The following DOCK9 variants were observed in gnomAD, a reference collection of about 807,000 sequenced individuals.
DOCK9 encodes the protein dedicator of cytokinesis 9, also known as dedicator of cytokinesis protein 9.
DOCK9 carries 89 observed loss-of-function variants against 263.3 expected under a neutral mutation model. The ratio of observed to expected loss-of-function variants is 0.34; its 90% confidence interval spans 0.28 to 0.40. The LOEUF is 0.40. Among genes scored for constraint, DOCK9 ranks in the 10% least tolerant of loss-of-function variants. The pLI is 1.00. For synonymous variants in DOCK9, 976 were observed against 973.1 expected (o/e 1.00, Z -0.06); for missense variants, 2,140 against 2,603.4 (o/e 0.82, Z 3.87).
chr13:98,996,988 A>C (rs1484872976), intron 1 of DOCK9, among the ~76,000 whole-genome samples: 1 of 152,246 alleles, frequency 6.6e-6, no homozygotes, highest in East Asian at 1.9e-4. Flanking sequence ...TAACAGAAAG[A>C]AGACAAGAAA....
chr13:98,952,209 T>TA (rs1022299611), intron 2 of DOCK9, among the ~76,000 whole-genome samples: 1 of 151,678 alleles, frequency 6.6e-6, no homozygotes, highest in Non-Finnish European at 1.5e-5. Context: ...ACTTCATCAA[T>TA]AACCTGATGG....
At chr13:98,931,527 T>C (rs2053933090) in intron 2 of DOCK9, among the ~76,000 whole-genome samples, 2 of 152,052 alleles carry the variant, frequency 1.3e-5, no homozygotes, top group Admixed American at 1.3e-4. Context: ...CTCAATCTCC[T>C]GACCTCGTGA....
chr13:98,846,913 C>A (rs562469361), intron 37 of DOCK9: 1 of 289,754 alleles, frequency 3.5e-6, no homozygotes, highest in African/African-American at 2.2e-5. Flanking sequence ...TTGTATAGAG[C>A]AGAGCATATC....
chr13:99,051,428 G>T (rs2040690751), intron 1 of DOCK9, among the ~76,000 whole-genome samples: 1 of 152,058 alleles, frequency 6.6e-6, no homozygotes, highest in South Asian at 2.1e-4. Context: ...GAGTCCCAAG[G>T]ACTTTTCATT....
intron 9 of DOCK9, among the ~76,000 whole-genome samples, chr13:98,908,636 T>C (rs1017200269): frequency 1.3e-5 from 2 of 152,138 alleles, no homozygotes; most frequent in Non-Finnish European, 1.5e-5. Flanking sequence ...ATAATGTATA[T>C]ATCATGAACA....
chr13:99,086,185 C>A, intron 1 of DOCK9: 1 of 1,464,670 alleles, frequency 6.8e-7, no homozygotes, highest in Non-Finnish European at 9.0e-7. Flanking sequence ...CCTGCGCCCC[C>A]GCCATCCTCC....
chr13:98,804,207 G>A (rs1222861874), intron 49 of DOCK9, among the ~76,000 whole-genome samples: 2 of 152,136 alleles, frequency 1.3e-5, no homozygotes, highest in African/African-American at 2.4e-5. Context: ...GGCACACCTG[G>A]CATTCTCAAC....
chr13:98,848,286 A>G lies in DOCK9; in HGVS notation c.4061+306T>C, dbSNP rs1262688749. On this transcript the variant is annotated intron_variant, in intron 37 of 52. Transcript: ENST00000682017. ...CATAGGAAGAAGAACTGGGGAGAAGAGGATGGGAAGGAGACAGAACAGAGA... is the reference window on the plus strand; with the variant it reads ...CATAGGAAGAAGAACTGGGGAGAAGGGGATGGGAAGGAGACAGAACAGAGA... Among the ~76,000 whole-genome samples, 6 of 152,188 alleles carry G rather than the reference A, an allele frequency of 3.9e-5. No individual in the cohort carries two copies. The South Asian group carries it at 1.2e-3, about 32-fold the overall frequency.
At chr13:99,073,360 T>TTCTCTCTCTCCCTCTCCTCTC (rs2041771199) in intron 1 of DOCK9, among the ~76,000 whole-genome samples, 1 of 141,300 alleles carries the variant, frequency 7.1e-6, no homozygotes, top group Admixed American at 7.2e-5. Context: ...TCTTCTTCTT[T>TTCTCTCTCTCCCTCTCCTCTC]TCTCTCTCTC....
intron 1 of DOCK9, among the ~76,000 whole-genome samples, chr13:99,067,830 A>G (rs796413384): frequency 7.3e-5 from 11 of 151,260 alleles, no homozygotes; most frequent in African/African-American, 2.7e-4. Flanking sequence ...AGGGTGGAGG[A>G]TATCCAAGAT....
chr13:98,963,678 G>A (rs2058904047), intron 1 of DOCK9, among the ~76,000 whole-genome samples: 1 of 152,162 alleles, frequency 6.6e-6, no homozygotes. Context: ...AAGAATTTAG[G>A]ACTTCCTTGA....
At chr13:99,032,083 A>C (rs991030297) in intron 1 of DOCK9, among the ~76,000 whole-genome samples, 9 of 152,192 alleles carry the variant, frequency 5.9e-5, no homozygotes, top group South Asian at 4.1e-4. Flanking sequence ...CAGAGTCATC[A>C]ATGTGGGTCA....
intron 1 of DOCK9, among the ~76,000 whole-genome samples, chr13:99,069,670 T>A (rs1483462126): frequency 2.0e-5 from 3 of 152,264 alleles, no homozygotes; most frequent in African/African-American, 7.2e-5. Flanking sequence ...CTGGACCAGA[T>A]GACCACCAAA....
At chr13:99,051,862 A>C (rs1473937342) in intron 1 of DOCK9, among the ~76,000 whole-genome samples, 1 of 84,084 alleles carries the variant, frequency 1.2e-5, no homozygotes, top group African/African-American at 3.9e-5. Flanking sequence ...TGGCAAAAAA[A>C]AAAAAAAAAA....
At chr13:98,963,451 G>T (rs2058875575) in intron 1 of DOCK9, among the ~76,000 whole-genome samples, 1 of 152,168 alleles carries the variant, frequency 6.6e-6, no homozygotes, top group African/African-American at 2.4e-5. Context: ...GAAAACCATG[G>T]GAAGAGCTAA....
rs1181049321 is a variant in DOCK9, at chr13:98,872,704, C to G, written c.2944-4327G>C. Among the ~76,000 whole-genome samples the G allele has an allele frequency of 2.0e-5, 3 of 152,186 alleles. No homozygotes were observed. The East Asian group carries it at 5.8e-4, about 29-fold the overall frequency. On this transcript the variant is annotated intron_variant, in intron 27 of 52. Transcript: ENST00000682017. ...TACAGATGTGAACCATTGCGCCCAG[C>G]CTACAAACTCCATTCTTCCTACCTC...
At chr13:98,844,444 A>G (rs2093328634) in intron 38 of DOCK9, among the ~76,000 whole-genome samples, 1 of 152,070 alleles carries the variant, frequency 6.6e-6, no homozygotes, top group African/African-American at 2.4e-5. Context: ...GCTCACTGCA[A>G]CCTCAGCCCC....
chr13:99,087,565 C>A (rs1049242708), upstream of DOCK9, among the ~76,000 whole-genome samples: 2 of 152,126 alleles, frequency 1.3e-5, no homozygotes, highest in African/African-American at 4.8e-5. Flanking sequence ...GAGGGACTTT[C>A]CCCCCAATAC....
intron 10 of DOCK9, 54 bp from the exon 11 acceptor site, chr13:98,903,166 C>T (rs373768875): frequency 1.5e-6 from 2 of 1,326,920 alleles, no homozygotes; most frequent in African/African-American, 1.6e-5. Context: ...TTTAAAAAAA[C>T]ATCATAAATG....
Sources: gnomAD v4.1 joint callset for allele counts (sites outside exome capture counted in the v4.1 genomes callset) on GRCh38, gnomAD v4.1.1 for gene constraint, MANE v1.5 for transcripts, NCBI Gene and HGNC (gene_info 2026-07-23, HGNC 2026-07-21) for gene names.